CLASP2: variants seen among roughly 807,000 people sequenced by gnomAD.
The protein encoded by CLASP2 is CLIP-associating protein 2.
Under a neutral mutation model 194.4 loss-of-function variants are expected in CLASP2, and 47 were observed. The observed-to-expected ratio is 0.24, with a 90% CI of 0.19 to 0.31. CLASP2 has a LOEUF of 0.31. Ranked by LOEUF, CLASP2 falls within the 10% of genes least tolerant of loss-of-function variation. The pLI is 1.00. For missense variants in CLASP2, 1,445 were observed against 1,823.6 expected, an observed-to-expected ratio of 0.79 and a Z score of 3.78; for synonymous variants, 619 against 633.5, an observed-to-expected ratio of 0.98 and a Z score of 0.34.
At chr3:33,658,890 A>G in intron 7 of CLASP2, 1 of 1,250,152 alleles carries the variant, frequency 8.0e-7, no homozygotes, top group South Asian at 1.3e-5. Flanking sequence ...TTAGGGAGAA[A>G]TATATTTCTT....
At chr3:33,591,395 G>A (rs553205983) in intron 21 of CLASP2, among the ~76,000 whole-genome samples, 33 of 152,144 alleles carry the variant, frequency 2.2e-4, no homozygotes, top group African/African-American at 7.0e-4. Context: ...GGAGGATTGC[G>A]TGAGGCCAGA....
At chr3:33,581,016 A>AG (rs2065968151) in intron 23 of CLASP2, among the ~76,000 whole-genome samples, 1 of 53,050 alleles carries the variant, frequency 1.9e-5, no homozygotes. Flanking sequence ...ACTCCGTCTC[A>AG]AAAAAAAAAA....
At chr3:33,607,567 G>T in intron 14 of CLASP2, 106 bp from the exon 15 acceptor site, 1 of 630,252 alleles carries the variant, frequency 1.6e-6, no homozygotes, top group Non-Finnish European at 2.5e-6. Context: ...AGGTAGGCGA[G>T]GAAAATAAAA....
chr3:33,526,122 A>T (rs1169703046), intron 34 of CLASP2, among the ~76,000 whole-genome samples: 1 of 150,680 alleles, frequency 6.6e-6, no homozygotes. Context: ...ACAGGTGTGC[A>T]CCACCATGCC....
At chr3:33,565,829 AT>A (rs1410508600) in intron 27 of CLASP2, among the ~76,000 whole-genome samples, 1 of 151,346 alleles carries the variant, frequency 6.6e-6, no homozygotes, top group Admixed American at 6.6e-5. Context: ...AGAAAAAAAA[AT>A]ACAGTATATA....
chr3:33,513,242 C>G (rs1162025244), intron 36 of CLASP2, among the ~76,000 whole-genome samples: 1 of 151,936 alleles, frequency 6.6e-6, no homozygotes, highest in Non-Finnish European at 1.5e-5. Flanking sequence ...AAAACAAAAA[C>G]AGAAAACAAA....
chr3:33,683,802 T>C (rs1268757691), intron 6 of CLASP2, among the ~76,000 whole-genome samples: 1 of 151,400 alleles, frequency 6.6e-6, no homozygotes, highest in Non-Finnish European at 1.5e-5. Context: ...CAGCCAGGTG[T>C]AGTGGCGTAT....
At chr3:33,626,882 C>CAATA in intron 10 of CLASP2, 106 bp downstream of exon 10, 1 of 629,270 alleles carries the variant, frequency 1.6e-6, no homozygotes, top group African/African-American at 2.3e-5. Flanking sequence ...ATCAGACTCT[C>CAATA]TATTTTATAA....
chr3:33,594,897 T>A, intron 20 of CLASP2, 54 bp downstream of exon 20: 1 of 1,013,784 alleles, frequency 9.9e-7, no homozygotes, highest in Non-Finnish European at 1.4e-6. Context: ...TTCCTACCAA[T>A]GAAAATAGTA....
At chr3:33,594,036 T>C (rs2069543033) in intron 20 of CLASP2, among the ~76,000 whole-genome samples, 1 of 152,030 alleles carries the variant, frequency 6.6e-6, no homozygotes. Flanking sequence ...TAGAGATGGG[T>C]TCTCACTATG....
Position 33,687,118 on chromosome 3 carries a change from A to T in CLASP2, c.488T>A (p.Leu163Gln). 1 of 1,598,002 alleles carries T rather than the reference A, an allele frequency of 6.3e-7. No homozygotes were observed. Among genetic ancestry groups the T allele is most frequent in the Non-Finnish European group, 8.5e-7 (1 of 1,171,468 alleles). ...ETLNIFGAQP[L>Q]VISKLIPHLC... ...ATGTGGTATCAATTTGCTGATGACT[A>T]GTGGCTGAGCCCCAAAACTAAATAT... The change falls in exon 5 of 39, where the codon CTA (leucine) becomes CAA (glutamine). Residue 163 changes from leucine (L) to glutamine (Q), a missense_variant. Coordinates refer to ENST00000682230, the MANE Select transcript of CLASP2 (RefSeq NM_001365631.1).
intron 7 of CLASP2, among the ~76,000 whole-genome samples, chr3:33,658,731 T>C (rs1165456688): frequency 6.6e-6 from 1 of 152,038 alleles, no homozygotes; most frequent in Non-Finnish European, 1.5e-5. Context: ...GAAGCTTGCT[T>C]GGGTTGCAAG....
intron 6 of CLASP2, among the ~76,000 whole-genome samples, chr3:33,677,929 C>CA (rs777895095): frequency 0.014 from 817 of 60,008 alleles, 9 homozygotes; most frequent in African/African-American, 0.029. Flanking sequence ...AACAAAGTAC[C>CA]AAAAAAAAAA....
chr3:33,560,962 T>G lies in CLASP2; in HGVS notation c.2776A>C (p.Met926Leu), dbSNP rs774761519. ...AAATCCACTAGAGTCTCCAAAAACA[T>G]GCTGAATACCTACAGTTGATAAAGG... is the stretch of plus-strand genomic sequence containing the variant. ...ADPHGKRVFS[M>L]FLETLVDFIQ... is the part of the protein sequence containing the mutation. Residue 926 changes from methionine (M) to leucine (L), a missense_variant, in exon 28 of 39, where the codon ATG becomes CTG. This residue lies in a region of CLASP2 where 732 missense variants were observed against 987.9 expected (regional missense o/e 0.74). Transcript: ENST00000682230. 5 of 1,613,330 alleles carry G rather than the reference T, an allele frequency of 3.1e-6. No individual in the cohort carries two copies. Among genetic ancestry groups the G allele is most frequent in the South Asian group, 1.1e-5 (1 of 91,014 alleles).
chr3:33,501,623 C>T (rs1479926350), intron 38 of CLASP2, 29 bp downstream of exon 38: 5 of 1,346,196 alleles, frequency 3.7e-6, no homozygotes, highest in Non-Finnish European at 5.3e-6. Flanking sequence ...CTATGGCCAC[C>T]ATCTCTAAAA....
chr3:33,659,086 G>A, intron 7 of CLASP2: 1 of 1,512,970 alleles, frequency 6.6e-7, no homozygotes, highest in Non-Finnish European at 8.8e-7. Flanking sequence ...CCTGCAGCCT[G>A]CAGACACCCG....
At chr3:33,524,886 A>G (rs990395835) in intron 34 of CLASP2, among the ~76,000 whole-genome samples, 1 of 152,212 alleles carries the variant, frequency 6.6e-6, no homozygotes. Context: ...GACTCTCACT[A>G]TTGGATTCTC....
chr3:33,552,892 C>T (rs1214793135), intron 29 of CLASP2, among the ~76,000 whole-genome samples: 1 of 152,126 alleles, frequency 6.6e-6, no homozygotes, highest in African/African-American at 2.4e-5. Flanking sequence ...TTCAAGTATA[C>T]AATACATTGT....
intron 7 of CLASP2, chr3:33,645,168 G>C: frequency 9.3e-6 from 7 of 748,822 alleles, no homozygotes; most frequent in Non-Finnish European, 1.5e-5. Context: ...AACTCTAAAG[G>C]TAGTAAAAGT....
Sources: allele counts gnomAD v4.1 joint callset (sites outside exome capture counted in the v4.1 genomes callset), GRCh38; gene constraint gnomAD v4.1.1; regional missense constraint gnomAD v4.1.1; transcripts MANE v1.5; gene names NCBI Gene and HGNC (gene_info 2026-07-23, HGNC 2026-07-21).